The following BNC2 variants were observed in gnomAD, a reference collection of about 807,000 sequenced individuals.
BNC2 encodes the protein basonuclin zinc finger protein 2, also known as zinc finger protein basonuclin-2.
BNC2 carries 20 observed loss-of-function variants against 76.3 expected under a neutral mutation model. The ratio of observed to expected loss-of-function variants is 0.26; its 90% confidence interval spans 0.18 to 0.38. BNC2 has a LOEUF of 0.38. Ranked by LOEUF, BNC2 falls within the 10% of genes least tolerant of loss-of-function variation. The pLI is 1.00. For synonymous variants in BNC2, 582 were observed against 514.8 expected, an observed-to-expected ratio of 1.13 and a Z score of -1.77; for missense variants, 1,382 against 1,399.8, an observed-to-expected ratio of 0.99 and a Z score of 0.20.
chr9:16,678,340 G>A (rs911429849), intron 3 of BNC2, among the ~76,000 whole-genome samples: 3 of 129,254 alleles, frequency 2.3e-5, no homozygotes, highest in Non-Finnish European at 3.1e-5. Context: ...GTGCAGTGGT[G>A]CAATCTCGGC....
chr9:16,425,958 C>T (rs1357869456), intron 6 of BNC2, among the ~76,000 whole-genome samples: 2 of 152,210 alleles, frequency 1.3e-5, no homozygotes, highest in African/African-American at 4.8e-5. Flanking sequence ...GTATCTGAGA[C>T]ATCGAGGCTT....
chr9:16,679,404 C>T (rs1822756503), intron 3 of BNC2, among the ~76,000 whole-genome samples: 1 of 152,204 alleles, frequency 6.6e-6, no homozygotes, highest in Admixed American at 6.5e-5. Flanking sequence ...GTTTCATTTA[C>T]AGTATCTGTT....
intron 1 of BNC2, among the ~76,000 whole-genome samples, chr9:16,773,433 C>T (rs1186301396): frequency 6.6e-6 from 1 of 150,966 alleles, no homozygotes; most frequent in African/African-American, 2.4e-5. Context: ...ATCTTTTCAG[C>T]GTCACAAGGT....
At position 16,418,196 on chromosome 9, in the gene BNC2, T is replaced by G. The variant is rs541478449; in HGVS notation, c.*793A>C. 6.6e-6 allele frequency: 1 copy of G among 152,656 alleles called. No homozygotes were observed. The highest frequency in any genetic ancestry group is 1.5e-5 in the Non-Finnish European group (1 of 68,048). 9.5% of individuals were successfully genotyped at this position (152,656 alleles called of 1,614,324 possible). On this transcript the variant is annotated 3_prime_UTR_variant, in exon 7 of 7. Transcript: ENST00000380672. The stretch of plus-strand genomic sequence containing the variant: ...GTGCATGACGGGATTTATGTACTAG[T>G]ACAGGACATTTTAAAAAATCAGATC...
At chr9:16,439,843 T>A (rs567431461) in intron 5 of BNC2, among the ~76,000 whole-genome samples, 1 of 152,314 alleles carries the variant, frequency 6.6e-6, no homozygotes, top group South Asian at 2.1e-4. Flanking sequence ...CTATGAAAAC[T>A]GTCAAACACA....
chr9:16,733,911 T>C (rs1044181126), intron 2 of BNC2, among the ~76,000 whole-genome samples: 2 of 151,954 alleles, frequency 1.3e-5, no homozygotes, highest in African/African-American at 4.8e-5. Flanking sequence ...TCACCTATGA[T>C]TTACACCTAA....
At chr9:16,806,452 A>C (rs930023539) in intron 1 of BNC2, among the ~76,000 whole-genome samples, 1 of 152,246 alleles carries the variant, frequency 6.6e-6, no homozygotes, top group Non-Finnish European at 1.5e-5. Context: ...GTTCACTTGG[A>C]ACATAATGAT....
chr9:16,531,716 A>C (rs1044211981), intron 5 of BNC2, among the ~76,000 whole-genome samples: 13 of 152,246 alleles, frequency 8.5e-5, no homozygotes, highest in Non-Finnish European at 2.9e-5. Flanking sequence ...GGTTATACAC[A>C]GAATATGTCA....
At chr9:16,749,327 T>G (rs955172211) in intron 1 of BNC2, among the ~76,000 whole-genome samples, 2 of 152,218 alleles carry the variant, frequency 1.3e-5, no homozygotes, top group African/African-American at 4.8e-5. Flanking sequence ...GAACATACGT[T>G]ATTTGGTTAA....
chr9:16,704,309 T>C lies in BNC2; in HGVS notation c.330+23488A>G, dbSNP rs183916306. ...AACAGTGAATGAGACGGCTAGAGTT[T>C]TCCCTAAGGAAGGATAGGGGTTGGG... On this transcript the variant is annotated intron_variant, in intron 3 of 6. Transcript: ENST00000380672. 7.9e-5 allele frequency among the ~76,000 whole-genome samples: 12 copies of C among 152,320 alleles called. No individual in the cohort carries two copies. The East Asian group carries it at 2.1e-3, about 27-fold the overall frequency.
chr9:16,744,305 C>G (rs4961748), intron 1 of BNC2, among the ~76,000 whole-genome samples: 1 of 151,952 alleles, frequency 6.6e-6, no homozygotes, highest in Non-Finnish European at 1.5e-5. Context: ...ATATTTTATG[C>G]TGGTATGAAA....
chr9:16,473,571 T>A (rs1821867701), intron 5 of BNC2, among the ~76,000 whole-genome samples: 2 of 152,174 alleles, frequency 1.3e-5, no homozygotes, highest in Non-Finnish European at 2.9e-5. Context: ...TTCCTGACTA[T>A]CTCATGAAGA....
At chr9:16,450,005 A>AT (rs1356294647) in intron 5 of BNC2, among the ~76,000 whole-genome samples, 3 of 151,950 alleles carry the variant, frequency 2.0e-5, no homozygotes, top group South Asian at 2.1e-4. Flanking sequence ...AGCTGGCATC[A>AT]TTTTTTTTCA....
chr9:16,749,951 CT>C (rs1440883558), intron 1 of BNC2, among the ~76,000 whole-genome samples: 1 of 151,974 alleles, frequency 6.6e-6, no homozygotes, highest in East Asian at 1.9e-4. Flanking sequence ...AAATATTCCC[CT>C]AGAACATAAG....
chr9:16,591,449 T>A (rs536428308), intron 3 of BNC2, among the ~76,000 whole-genome samples: 10 of 152,236 alleles, frequency 6.6e-5, no homozygotes, highest in African/African-American at 2.4e-4. Flanking sequence ...CAAAAAAGCT[T>A]TATTAACAAC....
Position 16,845,538 on chromosome 9 carries a change from A to G in BNC2, c.3+25108T>C, listed in dbSNP as rs541423865. On this transcript the variant is annotated intron_variant, in intron 1 of 6. Coordinates refer to ENST00000380672, the MANE Select transcript of BNC2 (RefSeq NM_017637.6). ...AGATCGAGACCATCCTGGCTAACAC[A>G]GTGAAACCCCATCTCTACTAAAAAT... Among the ~76,000 whole-genome samples the G allele has an allele frequency of 4.6e-3, 684 of 149,460 alleles. 2 individuals are homozygous for G. The highest frequency in any genetic ancestry group is 9.6e-3 in the Admixed American group (145 of 15,042).
intron 5 of BNC2, among the ~76,000 whole-genome samples, chr9:16,502,250 G>A (rs924993960): frequency 6.6e-6 from 1 of 152,152 alleles, no homozygotes. Flanking sequence ...TGTAGTGCTA[G>A]CTACTTGGAA....
intron 5 of BNC2, among the ~76,000 whole-genome samples, chr9:16,531,061 C>T (rs538138124): frequency 6.6e-6 from 1 of 152,252 alleles, no homozygotes; most frequent in South Asian, 2.1e-4. Flanking sequence ...GGATGCCTAG[C>T]CTCCCCTGAG....
intron 3 of BNC2, among the ~76,000 whole-genome samples, chr9:16,716,821 G>A (rs577875870): frequency 3.9e-5 from 6 of 152,172 alleles, no homozygotes; most frequent in African/African-American, 1.4e-4. Flanking sequence ...CCGAAAGGAA[G>A]CATTTTTCTT....
Sources: allele counts gnomAD v4.1 joint callset (sites outside exome capture counted in the v4.1 genomes callset), GRCh38; gene constraint gnomAD v4.1.1; transcripts MANE v1.5; gene names NCBI Gene and HGNC (gene_info 2026-07-23, HGNC 2026-07-21).